The following PSMA6 variants were observed in gnomAD, a reference collection of about 807,000 sequenced individuals.
PSMA6 encodes the protein proteasome 20S subunit alpha 6.
For missense variants in PSMA6, 170 were observed against 294.8 expected, an observed-to-expected ratio of 0.58 and a Z score of 3.10; for synonymous variants, 88 against 97.7, an observed-to-expected ratio of 0.90 and a Z score of 0.59.
At chr14:35,317,191 C>T (rs1250378726) in intron 6 of PSMA6, 58 bp from the exon 7 acceptor site, 13 of 1,360,012 alleles carry the variant, frequency 9.6e-6, no homozygotes, top group Middle Eastern at 1.8e-4. Flanking sequence ...CCCACTTTTA[C>T]GTGTGTTTGA....
chr14:35,285,067 C>G (rs1489707590), intron 1 of PSMA6, among the ~76,000 whole-genome samples: 6 of 152,140 alleles, frequency 3.9e-5, no homozygotes, highest in African/African-American at 1.2e-4. Context: ...GAAAATAAAA[C>G]TGGAGTCAGG....
upstream of PSMA6, among the ~76,000 whole-genome samples, chr14:35,287,812 C>T (rs750604363): frequency 1.2e-4 from 18 of 152,182 alleles, no homozygotes; most frequent in Admixed American, 7.9e-4. Context: ...AGTATTGGTA[C>T]CCAGACATTT....
intron 1 of PSMA6, among the ~76,000 whole-genome samples, chr14:35,304,822 C>T (rs1386995637): frequency 6.6e-6 from 1 of 152,050 alleles, no homozygotes; most frequent in South Asian, 2.1e-4. Context: ...CTCATACCTG[C>T]TGTAATCCCA....
In PSMA6 at chr14:35,292,444, A is replaced by G. The variant is rs759324200; in HGVS notation, c.-33A>G. The G allele has an allele frequency of 6.2e-7, 1 of 1,602,412 alleles. No individual in the cohort carries two copies. The highest frequency in any genetic ancestry group is 1.3e-5 in the African/African-American group (1 of 74,398). ...GCCTGGTGCGGGAGCTACGGGGCCC[A>G]GGGATTGTGTTTAAAGTAGTGCTTC... On this transcript the variant is annotated 5_prime_UTR_variant, in exon 1 of 7. Coordinates refer to ENST00000261479, the MANE Select transcript of PSMA6 (RefSeq NM_002791.3).
intron 1 of PSMA6, among the ~76,000 whole-genome samples, chr14:35,299,900 GACTA>G (rs778163891): frequency 6.6e-6 from 1 of 152,184 alleles, no homozygotes; most frequent in Non-Finnish European, 1.5e-5. Flanking sequence ...TACAGGAAGT[GACTA>G]ACTGCCTAGG....
intron 1 of PSMA6, among the ~76,000 whole-genome samples, chr14:35,284,341 A>C (rs1317003492): frequency 6.6e-6 from 1 of 152,040 alleles, no homozygotes; most frequent in Non-Finnish European, 1.5e-5. Context: ...TCCCTGTTCT[A>C]AGCTGAGCTT....
intron 3 of PSMA6, 92 bp from the exon 4 acceptor site, chr14:35,310,648 A>T: frequency 1.5e-6 from 2 of 1,301,324 alleles, no homozygotes; most frequent in Non-Finnish European, 1.1e-6. Flanking sequence ...ATGTATGTCT[A>T]TATGGTGGGA....
chr14:35,282,988 G>T (rs529536334), intron 1 of PSMA6, among the ~76,000 whole-genome samples: 40 of 151,992 alleles, frequency 2.6e-4, no homozygotes, highest in African/African-American at 8.2e-4. Flanking sequence ...GACTACAGGC[G>T]TGCACCACCA....
intron 1 of PSMA6, among the ~76,000 whole-genome samples, chr14:35,279,267 G>A (rs975368828): frequency 6.6e-5 from 10 of 151,822 alleles, no homozygotes; most frequent in African/African-American, 2.4e-4. Context: ...GGCTAGTCTC[G>A]AACTCCAGAC....
At chr14:35,307,670 G>A (rs2051855954) in intron 1 of PSMA6, among the ~76,000 whole-genome samples, 1 of 152,102 alleles carries the variant, frequency 6.6e-6, no homozygotes, top group African/African-American at 2.4e-5. Context: ...GCAGGCAGAG[G>A]TTGCAGTGAG....
rs765873921 is a variant in PSMA6 at position 35,297,130 on chromosome 14, T to TG, written c.76+4578_76+4579insG. On this transcript the variant is annotated intron_variant, in intron 1 of 6. Transcript: ENST00000261479. ...AAAATCTTAACAAAGTTTTTTTTTT[T>TG]TTTTTTTTTTTTTTTTGCCACACAG... is the stretch of plus-strand genomic sequence containing the variant. 1.7e-3 allele frequency among the ~76,000 whole-genome samples: 247 copies of TG among 149,254 alleles called. 2 individuals are homozygous for TG. The highest frequency in any genetic ancestry group is 3.2e-3 in the Non-Finnish European group (214 of 67,300).
chr14:35,284,087 C>T (rs1404730956), intron 1 of PSMA6, among the ~76,000 whole-genome samples: 1 of 152,130 alleles, frequency 6.6e-6, no homozygotes, highest in African/African-American at 2.4e-5. Context: ...AATGTCTCCC[C>T]GTAGCCTTCC....
chr14:35,288,703 G>A (rs905663836), upstream of PSMA6, among the ~76,000 whole-genome samples: 3 of 152,198 alleles, frequency 2.0e-5, no homozygotes, highest in Non-Finnish European at 2.9e-5. Context: ...CACAAGAGGG[G>A]ATGAAGATTT....
At chr14:35,292,876 A>G (rs1049072409) in intron 1 of PSMA6, 1 of 512,300 alleles carries the variant, frequency 2.0e-6, no homozygotes, top group Non-Finnish European at 3.7e-6. Context: ...GCCAGGCACA[A>G]GGTCTGTTTC....
chr14:35,288,871 C>T (rs1393756037), upstream of PSMA6, among the ~76,000 whole-genome samples: 1 of 152,234 alleles, frequency 6.6e-6, no homozygotes, highest in African/African-American at 2.4e-5. Flanking sequence ...TTGTCCAACC[C>T]ATGACCTGCA....
chr14:35,294,580 T>A (rs538631283), intron 1 of PSMA6, among the ~76,000 whole-genome samples: 1 of 152,332 alleles, frequency 6.6e-6, no homozygotes, highest in South Asian at 2.1e-4. Context: ...CTCATAATAA[T>A]TCTTCCTTAA....
intron 1 of PSMA6, among the ~76,000 whole-genome samples, chr14:35,281,253 T>G (rs2051363622): frequency 6.6e-6 from 1 of 152,196 alleles, no homozygotes; most frequent in Non-Finnish European, 1.5e-5. Context: ...CCATTCCACT[T>G]TCTCCACTCC....
chr14:35,288,770 G>A (rs989470992), upstream of PSMA6, among the ~76,000 whole-genome samples: 2 of 152,116 alleles, frequency 1.3e-5, no homozygotes, highest in African/African-American at 2.4e-5. Flanking sequence ...TGTGTGATTT[G>A]AAATATCCCA....
At chr14:35,295,445 T>A (rs2051565572) in intron 1 of PSMA6, among the ~76,000 whole-genome samples, 1 of 151,778 alleles carries the variant, frequency 6.6e-6, no homozygotes, top group Non-Finnish European at 1.5e-5. Context: ...AGAAAGACTT[T>A]TTCTTTTTTT....
Sources: gnomAD v4.1 joint callset for allele counts (sites outside exome capture counted in the v4.1 genomes callset) on GRCh38, gnomAD v4.1.1 for gene constraint, MANE v1.5 for transcripts, NCBI Gene and HGNC (gene_info 2026-07-23, HGNC 2026-07-21) for gene names.